Variants in EMC1 observed in about 807,000 individuals in gnomAD.
EMC1 encodes KIAA0090.
EMC1 carries 103 observed loss-of-function variants against 128.8 expected under a neutral mutation model. The ratio of observed to expected loss-of-function variants is 0.80; its 90% CI spans 0.68 to 0.94. EMC1 has a LOEUF of 0.94. EMC1 is among the 40% of genes least tolerant of loss of function. The probability of loss-of-function intolerance (pLI) is 0.00; values close to 1 mark genes in which losing one functional copy is unlikely to be tolerated. For missense variants in EMC1, 1,083 were observed against 1,250.6 expected, an observed-to-expected ratio of 0.87 and a Z score of 2.02; for synonymous variants, 442 against 490.4, an observed-to-expected ratio of 0.90 and a Z score of 1.30.
Position 19,222,680 on chromosome 1 carries a change from A to T in EMC1, c.2531T>A (p.Ile844Asn), listed in dbSNP as rs377010214. Residue 844 changes from isoleucine to asparagine, a missense_variant, in exon 20 of 23, where the codon ATC becomes AAC. Transcript: ENST00000477853. ...LQQSYIFPSS[I>N]SAMEATITER... ...GGTGATGGTGGCCTCCATGGCACTG[A>T]TGGAGGACGGGAAGATATAGGACTG... 4.3e-6 allele frequency: 7 copies of T among 1,613,962 alleles called. No individual in the cohort carries two copies. Among genetic ancestry groups the T allele is most frequent in the South Asian group, 1.1e-5 (1 of 91,080 alleles).
Position 19,220,862 on chromosome 1 carries a change from A to C in EMC1, c.2588-14T>G, listed in dbSNP as rs202070128. 1.9e-6 allele frequency: 3 copies of C among 1,595,502 alleles called. No individual in the cohort carries two copies. The highest frequency in any genetic ancestry group is 2.2e-5 in the South Asian group (2 of 90,384). The stretch of plus-strand genomic sequence containing the variant: ...AAGGTAGTCCAACTACACAGGAGGA[A>C]GTGAATGTTCACACCGATCCAGTGT... On this transcript the variant is annotated splice_polypyrimidine_tract_variant and intron_variant, in intron 20 of 22. Coordinates refer to ENST00000477853, the MANE Select transcript of EMC1 (RefSeq NM_015047.3).
chr1:19,229,558 CA>C (rs1210156553), intron 17 of EMC1, among the ~76,000 whole-genome samples: 2 of 152,170 alleles, frequency 1.3e-5, no homozygotes, highest in African/African-American at 4.8e-5. Flanking sequence ...CCTGAATCTA[CA>C]AAACTGTCTC....
At position 19,220,741 on chromosome 1, in the gene EMC1, A is replaced by G. The variant is rs370057301; in HGVS notation, c.2672+23T>C. ...TAAGTTATGTAAGGTCAGAGCCTTC[A>G]GCACTGCCCATGAGGGTCTCACCTG... On this transcript the variant is annotated intron_variant, in intron 21 of 22. Transcript: ENST00000477853. 7.6e-6 allele frequency: 12 copies of G among 1,581,188 alleles called. No individual in the cohort carries two copies. In the African/African-American group the frequency reaches 1.4e-4, roughly 18 times the overall value.
intron 1 of EMC1, among the ~76,000 whole-genome samples, chr1:19,246,810 AT>A (rs1304495384): frequency 1.3e-5 from 2 of 152,122 alleles, no homozygotes; most frequent in African/African-American, 2.4e-5. Flanking sequence ...AATAATAAAA[AT>A]TTTAAAATGT....
At chr1:19,242,152 G>A (rs1353094877) in intron 5 of EMC1, among the ~76,000 whole-genome samples, 193 bp downstream of exon 5, 1 of 152,140 alleles carries the variant, frequency 6.6e-6, no homozygotes, top group African/African-American at 2.4e-5. Context: ...TCAGTGCAAA[G>A]GAAACTCCAG....
At chr1:19,244,109 T>C in intron 2 of EMC1, 94 bp from the exon 3 acceptor site, 2 of 1,227,264 alleles carry the variant, frequency 1.6e-6, no homozygotes, top group Admixed American at 3.5e-5. Flanking sequence ...TGCACAGCAA[T>C]GTCCAATTTT....
chr1:19,219,422 C>T lies in EMC1; in HGVS notation c.2863G>A (p.Val955Ile). ...ACGTAGTCATAGTCATCCTTCAGAA[C>T]GTCAAACTGCTTGGATGGGTAGACT... ...TRVYPSKQFD[V>I]LKDDYDYVLI... Residue 955 changes from valine (V) to isoleucine (I), a missense_variant, in exon 23 of 23, where the codon GTT becomes ATT. Val to Ile is a conservative substitution (Grantham distance 29, BLOSUM62 3). Coordinates refer to ENST00000477853, the MANE Select transcript of EMC1 (RefSeq NM_015047.3). 1 of 1,613,958 alleles carries T rather than the reference C, an allele frequency of 6.2e-7. No individual in the cohort carries two copies. Among genetic ancestry groups the T allele is most frequent in the Non-Finnish European group, 8.5e-7 (1 of 1,180,004 alleles).
chr1:19,237,504 C>T (rs2093574565), intron 11 of EMC1, among the ~76,000 whole-genome samples: 1 of 152,160 alleles, frequency 6.6e-6, no homozygotes, highest in Admixed American at 6.5e-5. Flanking sequence ...GCTCTAATCA[C>T]ACCCCACAAA....
intron 1 of EMC1, among the ~76,000 whole-genome samples, chr1:19,248,589 T>C (rs2093642406): frequency 6.6e-6 from 1 of 151,886 alleles, no homozygotes; most frequent in South Asian, 2.1e-4. Flanking sequence ...CCAGCTAATT[T>C]TCGTATTTTT....
At chr1:19,244,737 A>C in intron 2 of EMC1, 169 bp downstream of exon 2, 1 of 676,132 alleles carries the variant, frequency 1.5e-6, no homozygotes, top group East Asian at 2.8e-5. Context: ...ATAGGAACAT[A>C]CAAATATTCA....
At chr1:19,223,374 G>T in intron 19 of EMC1, 22 bp downstream of exon 19, 1 of 1,605,858 alleles carries the variant, frequency 6.2e-7, no homozygotes, top group South Asian at 1.1e-5. Flanking sequence ...GCTACCTTGG[G>T]TCCCTGGTAG....
intron 10 of EMC1, 60 bp from the exon 11 acceptor site, chr1:19,238,199 A>G (rs1479456765): frequency 6.3e-7 from 1 of 1,586,758 alleles, no homozygotes; most frequent in Non-Finnish European, 8.6e-7. Context: ...AGCCCACCAA[A>G]GGAAGTCCAA....
intron 15 of EMC1, 98 bp from the exon 16 acceptor site, chr1:19,231,520 G>A: frequency 1.6e-6 from 2 of 1,287,102 alleles, no homozygotes; most frequent in African/African-American, 1.5e-5. Context: ...CAACTGTGGG[G>A]GTTCTCTAGT....
chr1:19,247,518 A>G (rs1230051985), intron 1 of EMC1, among the ~76,000 whole-genome samples: 1 of 152,204 alleles, frequency 6.6e-6, no homozygotes, highest in East Asian at 1.9e-4. Flanking sequence ...CGAATGCATT[A>G]ATCACGTTTG....
intron 10 of EMC1, 98 bp from the exon 11 acceptor site, chr1:19,238,237 G>C (rs556627815): frequency 5.7e-6 from 8 of 1,394,256 alleles, no homozygotes; most frequent in Non-Finnish European, 7.9e-6. Context: ...CCTAGAGAAG[G>C]AGCCAGGCCA....
At chr1:19,230,491 A>T (rs569332902) in intron 17 of EMC1, among the ~76,000 whole-genome samples, 28 of 152,250 alleles carry the variant, frequency 1.8e-4, no homozygotes, top group African/African-American at 6.7e-4. Flanking sequence ...AATCGCTTGA[A>T]CCAAGGAGGC....
chr1:19,220,703 T>TA (rs2093424884), intron 21 of EMC1, 61 bp downstream of exon 21: 1 of 1,344,456 alleles, frequency 7.4e-7, no homozygotes, highest in African/African-American at 1.5e-5. Flanking sequence ...GAACCAAGCT[T>TA]AATCAGTGAG....
At chr1:19,227,240 C>T (rs934271727) in intron 18 of EMC1, 73 bp downstream of exon 18, 70 of 1,563,888 alleles carry the variant, frequency 4.5e-5, no homozygotes, top group Non-Finnish European at 6.0e-5. Flanking sequence ...CCAAGTCCTA[C>T]AGCCAGACTT....
intron 4 of EMC1, 91 bp from the exon 5 acceptor site, chr1:19,242,564 G>A: frequency 6.9e-7 from 1 of 1,444,216 alleles, no homozygotes; most frequent in Middle Eastern, 2.3e-4. Flanking sequence ...GTTGCTTAGT[G>A]GGTAAGAAAA....
Sources: allele counts gnomAD v4.1 joint callset (sites outside exome capture counted in the v4.1 genomes callset), GRCh38; gene constraint gnomAD v4.1.1; transcripts MANE v1.5; gene names NCBI Gene and HGNC (gene_info 2026-07-23, HGNC 2026-07-21).